CILK1: variants seen among roughly 807,000 people sequenced by gnomAD.
CILK1 encodes serine/threonine-protein kinase ICK.
CILK1 carries 47 observed loss-of-function variants against 79.2 expected under a neutral mutation model. The observed-to-expected ratio is 0.59, with a 90% CI of 0.47 to 0.76. The LOEUF is 0.76. CILK1 is among the 30% of genes least tolerant of loss of function. The pLI is 0.00. For synonymous variants in CILK1, 266 were observed against 275.9 expected (o/e 0.96, Z 0.36); for missense variants, 660 against 769.5 (o/e 0.86, Z 1.68).
chr6:53,005,522 A>C lies in CILK1; in HGVS notation c.1745-219T>G, dbSNP rs1493107. Among the ~76,000 whole-genome samples the C allele has an allele frequency of 0.31, 46,574 of 151,976 alleles. 7,721 individuals carry two copies. Among genetic ancestry groups the C allele is most frequent in the African/African-American group, 0.42 (17,498 of 41,420 alleles). ...TTCTTGACCCCTCTTTTTTTCATAT[A>C]CCACATATAATTTGTCAGGATATCC... is the stretch of plus-strand genomic sequence containing the variant. On this transcript the variant is annotated intron_variant, in intron 13 of 13. Coordinates refer to ENST00000676107, the MANE Select transcript of CILK1 (RefSeq NM_014920.5).
At chr6:53,048,879 C>A (rs191873500) in intron 1 of CILK1, among the ~76,000 whole-genome samples, 1 of 152,194 alleles carries the variant, frequency 6.6e-6, no homozygotes, top group Admixed American at 6.5e-5. Flanking sequence ...CTCGGACTTA[C>A]GAGAATGAAA....
At position 53,016,155 on chromosome 6, in the gene CILK1, A is replaced by G. The variant is rs1764880630; in HGVS notation, c.759T>C (p.Ala253=). ...PNNLKTLIPN[A]SSEAVQLLRD... ...TCAGGAGCTGGACTGCTTCACTGCT[A>G]GCATTGGGAATCAAGGTCTTTAAGT... is the stretch of plus-strand genomic sequence containing the variant. The change falls in exon 8 of 14, where the codon GCT becomes GCC. Residue 253 remains alanine (A), a synonymous_variant. Coordinates refer to ENST00000676107, the MANE Select transcript of CILK1 (RefSeq NM_014920.5). 3 of 1,614,152 alleles carry G rather than the reference A, an allele frequency of 1.9e-6. No individual in the cohort carries two copies. Among genetic ancestry groups the G allele is most frequent in the Admixed American group, 3.3e-5 (2 of 60,030 alleles).
At chr6:53,010,936 G>A (rs1343477454) in intron 11 of CILK1, among the ~76,000 whole-genome samples, 2 of 152,240 alleles carry the variant, frequency 1.3e-5, no homozygotes, top group African/African-American at 4.8e-5. Flanking sequence ...AGGGTTGTGT[G>A]ACCCAGTGGC....
chr6:53,009,160 G>A (rs1764410696), intron 12 of CILK1, among the ~76,000 whole-genome samples: 1 of 152,186 alleles, frequency 6.6e-6, no homozygotes, highest in African/African-American at 2.4e-5. Flanking sequence ...ATCAGGCCTA[G>A]TAAGAGTCTG....
chr6:53,022,054 G>C (rs535565404), intron 5 of CILK1, among the ~76,000 whole-genome samples: 1 of 152,094 alleles, frequency 6.6e-6, no homozygotes, highest in Admixed American at 6.5e-5. Flanking sequence ...TTTAAGAACA[G>C]TAAAAGCTTA....
At chr6:53,022,956 C>T (rs780313379) in intron 5 of CILK1, among the ~76,000 whole-genome samples, 22 of 147,140 alleles carry the variant, frequency 1.5e-4, no homozygotes, top group Middle Eastern at 7.1e-3. Flanking sequence ...TTTTTTGAGA[C>T]GGAGTCTTGC....
chr6:53,037,608 C>G (rs1185649220), intron 3 of CILK1, among the ~76,000 whole-genome samples: 3 of 152,036 alleles, frequency 2.0e-5, no homozygotes, highest in African/African-American at 7.2e-5. Flanking sequence ...GTAAGTACTG[C>G]TATTATGTCT....
At chr6:53,006,642 C>G (rs1402147902) in intron 12 of CILK1, among the ~76,000 whole-genome samples, 1 of 152,206 alleles carries the variant, frequency 6.6e-6, no homozygotes, top group Admixed American at 6.5e-5. Flanking sequence ...GACAGTGCTG[C>G]TCCTGTGAGG....
chr6:53,026,476 C>T (rs1378802301), intron 5 of CILK1, among the ~76,000 whole-genome samples: 1 of 152,148 alleles, frequency 6.6e-6, no homozygotes, highest in Non-Finnish European at 1.5e-5. Context: ...AGTGCTTGCA[C>T]ATTAATACCT....
At chr6:53,025,743 T>C (rs138270726) in intron 5 of CILK1, among the ~76,000 whole-genome samples, 7 of 152,314 alleles carry the variant, frequency 4.6e-5, no homozygotes, top group African/African-American at 1.4e-4. Context: ...ATTTGTTATA[T>C]TGACTTCAAG....
At chr6:53,055,448 T>G (rs1191566154) in intron 1 of CILK1, among the ~76,000 whole-genome samples, 2 of 152,234 alleles carry the variant, frequency 1.3e-5, no homozygotes, top group Non-Finnish European at 2.9e-5. Context: ...TTTTTCTGCA[T>G]AAGGAATAGC....
chr6:53,032,764 C>A, intron 3 of CILK1, 110 bp from the exon 4 acceptor site: 3 of 814,544 alleles, frequency 3.7e-6, no homozygotes, highest in Admixed American at 5.3e-5. Flanking sequence ...AATTTTAGAA[C>A]CTCAGAAATG....
At chr6:53,048,389 C>G (rs1471345230) in intron 1 of CILK1, among the ~76,000 whole-genome samples, 1 of 152,146 alleles carries the variant, frequency 6.6e-6, no homozygotes, top group Non-Finnish European at 1.5e-5. Flanking sequence ...ACTCTTTGAG[C>G]TTTCTATTAT....
intron 5 of CILK1, among the ~76,000 whole-genome samples, chr6:53,021,532 G>C (rs1304722567): frequency 1.3e-5 from 2 of 151,908 alleles, no homozygotes; most frequent in East Asian, 3.9e-4. Context: ...TATTAAACAG[G>C]GCTGAACTCC....
chr6:53,047,500 CTT>C (rs574158671), intron 1 of CILK1, among the ~76,000 whole-genome samples: 3 of 82,392 alleles, frequency 3.6e-5, no homozygotes, highest in Non-Finnish European at 2.4e-5. Flanking sequence ...GATGAGGTCT[CTT>C]TTTTTTTTTT....
chr6:53,005,428 A>G, intron 13 of CILK1, 125 bp from the exon 14 acceptor site: 2 of 1,040,494 alleles, frequency 1.9e-6, no homozygotes, highest in Non-Finnish European at 2.9e-6. Context: ...CTTGTCTCCT[A>G]CTTATAATCT....
In CILK1 at chr6:53,012,105, A is replaced by G. The variant is rs1581949694; in HGVS notation, c.1275T>C (p.Asp425=). 2.5e-6 allele frequency: 4 copies of G among 1,614,156 alleles called. No individual in the cohort carries two copies. The East Asian group carries it at 8.9e-5, about 36-fold the overall frequency. Reference sequence around the variant, plus strand: ...CAATCCTGCTGAGGGATGGACTGAAATCCAAGTCATCCAAGTCAGCCCAAT... The same window carrying G: ...CAATCCTGCTGAGGGATGGACTGAAGTCCAAGTCATCCAAGTCAGCCCAAT... ...SDDWADLDDL[D]FSPSLSRIDL... is the part of the protein sequence containing the mutation. The change falls in exon 10 of 14, where the codon GAT becomes GAC. Residue 425 remains aspartate, a synonymous_variant. Coordinates refer to ENST00000676107, the MANE Select transcript of CILK1 (RefSeq NM_014920.5).
chr6:53,060,730 A>T (rs1399976152), intron 1 of CILK1, among the ~76,000 whole-genome samples: 1 of 152,198 alleles, frequency 6.6e-6, no homozygotes, highest in Admixed American at 6.5e-5. Flanking sequence ...CTTCTTAATA[A>T]TTTATATGTT....
chr6:53,039,077 A>T (rs1766538273), intron 2 of CILK1, among the ~76,000 whole-genome samples: 1 of 152,176 alleles, frequency 6.6e-6, no homozygotes, highest in African/African-American at 2.4e-5. Context: ...TGTCCTTGTC[A>T]CACTGTCTCC....
Sources: allele counts gnomAD v4.1 joint callset (sites outside exome capture counted in the v4.1 genomes callset), GRCh38; gene constraint gnomAD v4.1.1; transcripts MANE v1.5; gene names NCBI Gene and HGNC (gene_info 2026-07-23, HGNC 2026-07-21).